ESRRG: variants seen among roughly 807,000 people sequenced by gnomAD.
ESRRG encodes estrogen-related receptor gamma.
Under a neutral mutation model 44.0 loss-of-function variants are expected in ESRRG, and 13 were observed. That is an observed-to-expected ratio of 0.30 (90% CI 0.19 to 0.47). ESRRG has a LOEUF of 0.47. Among genes scored for constraint, ESRRG ranks in the 20% least tolerant of loss-of-function variants. ESRRG has a pLI of 1.00. For missense variants in ESRRG, 395 were observed against 580.6 expected, an observed-to-expected ratio of 0.68 and a Z score of 3.29; for synonymous variants, 215 against 214.6, an observed-to-expected ratio of 1.00 and a Z score of -0.02.
At chr1:216,766,261 A>G (rs1471398347) in intron 2 of ESRRG, among the ~76,000 whole-genome samples, 1 of 152,110 alleles carries the variant, frequency 6.6e-6, no homozygotes, top group African/African-American at 2.4e-5. Flanking sequence ...AACTCCCTGC[A>G]TTGGATATTT....
chr1:216,932,785 A>G (rs2063555884), intron 2 of ESRRG, among the ~76,000 whole-genome samples: 1 of 129,778 alleles, frequency 7.7e-6, no homozygotes, highest in South Asian at 2.4e-4. Context: ...GCAGCCAGGT[A>G]TCAAACTCCT....
At chr1:216,667,550 G>A (rs557689509) in intron 2 of ESRRG, among the ~76,000 whole-genome samples, 7 of 151,764 alleles carry the variant, frequency 4.6e-5, no homozygotes, top group Non-Finnish European at 1.0e-4. Context: ...GCCAGGCATG[G>A]TGGTGCATGC....
At chr1:216,822,103 A>G (rs79741370) in intron 2 of ESRRG, among the ~76,000 whole-genome samples, 1 of 152,216 alleles carries the variant, frequency 6.6e-6, no homozygotes, top group East Asian at 1.9e-4. Flanking sequence ...ACATTTCTCT[A>G]TAAAGATGGA....
intron 2 of ESRRG, among the ~76,000 whole-genome samples, chr1:216,669,270 CT>C (rs1322840006): frequency 6.6e-6 from 1 of 152,142 alleles, no homozygotes; most frequent in African/African-American, 2.4e-5. Context: ...ATTTAGGTGA[CT>C]TCCCAAGTCA....
At chr1:216,663,297 T>A (rs1032316473) in intron 2 of ESRRG, among the ~76,000 whole-genome samples, 1 of 152,168 alleles carries the variant, frequency 6.6e-6, no homozygotes, top group Non-Finnish European at 1.5e-5. Context: ...TTGGGCTACA[T>A]TCCTTCCTTT....
chr1:216,815,689 C>T (rs927813493), intron 2 of ESRRG, among the ~76,000 whole-genome samples: 10 of 152,286 alleles, frequency 6.6e-5, no homozygotes, highest in South Asian at 2.1e-4. Context: ...TTCGGTTCAG[C>T]GCAGCTGGTG....
intron 1 of ESRRG, among the ~76,000 whole-genome samples, chr1:216,682,709 A>AGTGTGTGTGTGTGTGTGTGTGTGT (rs72420221): frequency 0.017 from 2,413 of 144,670 alleles, 37 homozygotes; most frequent in Admixed American, 0.028. Context: ...AATACTCTAT[A>AGTGTGTGTGTGTGTGTGTGTGTGT]GTGTGTGTGT....
intron 1 of ESRRG, among the ~76,000 whole-genome samples, chr1:217,133,343 G>A (rs577628143): frequency 3.9e-5 from 6 of 152,402 alleles, no homozygotes; most frequent in South Asian, 2.1e-4. Flanking sequence ...CGCTACCCAG[G>A]AGCCTGGCGC....
chr1:216,924,933 C>G (rs754880017), intron 2 of ESRRG, among the ~76,000 whole-genome samples: 4 of 152,096 alleles, frequency 2.6e-5, no homozygotes, highest in Admixed American at 6.5e-5. Flanking sequence ...ATATTTACAT[C>G]TAGTAGCTCT....
chr1:216,810,147 A>G (rs1339337), intron 2 of ESRRG, among the ~76,000 whole-genome samples: 39,155 of 151,848 alleles, frequency 0.26, 5,420 homozygotes, highest in East Asian at 0.48. Flanking sequence ...GCAGGGCCAA[A>G]TCACCACTTT....
intron 2 of ESRRG, among the ~76,000 whole-genome samples, chr1:216,763,203 G>C (rs943881788): frequency 2.0e-5 from 3 of 151,956 alleles, no homozygotes; most frequent in African/African-American, 4.8e-5. Context: ...AAATGTATTA[G>C]ATATATTTTC....
At chr1:216,515,732 G>A (rs1290604887) in intron 6 of ESRRG, among the ~76,000 whole-genome samples, 2 of 152,062 alleles carry the variant, frequency 1.3e-5, no homozygotes, top group East Asian at 1.9e-4. Flanking sequence ...GGGTAGGGGT[G>A]GCAAAGACTG....
chr1:216,566,272 T>C (rs1478063117), intron 4 of ESRRG, among the ~76,000 whole-genome samples: 1 of 152,184 alleles, frequency 6.6e-6, no homozygotes, highest in Non-Finnish European at 1.5e-5. Flanking sequence ...GACACTTATC[T>C]GACAGGATCT....
chr1:217,041,708 GTC>G (rs1411278762), intron 1 of ESRRG, among the ~76,000 whole-genome samples: 1 of 152,184 alleles, frequency 6.6e-6, no homozygotes. Context: ...GCATCTGACT[GTC>G]ACCCTACCAG....
intron 2 of ESRRG, among the ~76,000 whole-genome samples, chr1:216,853,452 C>A (rs185721512): frequency 5.3e-5 from 8 of 152,286 alleles, no homozygotes; most frequent in Non-Finnish European, 1.0e-4. Flanking sequence ...ATTTTGTCTT[C>A]AATTCAGTGT....
chr1:216,835,291 C>T (rs567007161), intron 2 of ESRRG, among the ~76,000 whole-genome samples: 3 of 152,260 alleles, frequency 2.0e-5, no homozygotes, highest in Admixed American at 1.3e-4. Context: ...GACACTCCAG[C>T]GCAGCCACTT....
chr1:216,918,770 T>C (rs1303159489), intron 2 of ESRRG, among the ~76,000 whole-genome samples: 1 of 150,528 alleles, frequency 6.6e-6, no homozygotes, highest in African/African-American at 2.4e-5. Flanking sequence ...GTCAAGGTTA[T>C]ATTGTTTAAA....
At position 216,882,221 on chromosome 1, in the gene ESRRG, A is replaced by G. The variant is rs139151013; in HGVS notation, c.-14+57361T>C. ...GGGTGCATAGCCAGGACCTTGAGCT[A>G]TACATTCCTTGATTTATTCACTTCC... On this transcript the variant is annotated intron_variant, in intron 2 of 7. Transcript: ENST00000359162. Among the ~76,000 whole-genome samples the G allele has an allele frequency of 2.5e-3, 379 of 152,274 alleles. 1 individual carries two copies. The highest frequency in any genetic ancestry group is 5.8e-3 in the Admixed American group (89 of 15,288).
intron 2 of ESRRG, among the ~76,000 whole-genome samples, chr1:216,755,170 A>G (rs1315830258): frequency 1.3e-5 from 2 of 152,018 alleles, no homozygotes; most frequent in African/African-American, 2.4e-5. Flanking sequence ...TTAAATAAAA[A>G]CTGACTTTAC....
Sources: allele counts gnomAD v4.1 joint callset (sites outside exome capture counted in the v4.1 genomes callset), GRCh38; gene constraint gnomAD v4.1.1; transcripts MANE v1.5; gene names NCBI Gene and HGNC (gene_info 2026-07-23, HGNC 2026-07-21).